Variants in ACACB observed in about 807,000 individuals in gnomAD.
The protein encoded by ACACB is acetyl-CoA carboxylase 2.
A neutral mutation model predicts 278.8 loss-of-function variants in ACACB; 209 were observed. The ratio of observed to expected loss-of-function variants is 0.75; its 90% confidence interval spans 0.67 to 0.84. ACACB has a LOEUF of 0.84. Among genes scored for constraint, ACACB ranks in the 40% least tolerant of loss-of-function variants. The probability of loss-of-function intolerance (pLI) is 0.00; values close to 1 mark genes in which losing one functional copy is unlikely to be tolerated. For missense variants in ACACB, 2,850 were observed against 3,269.0 expected, an observed-to-expected ratio of 0.87 and a Z score of 3.13; for synonymous variants, 1,174 against 1,285.6, an observed-to-expected ratio of 0.91 and a Z score of 1.86.
At position 109,212,827 on chromosome 12, in the gene ACACB, C is replaced by T; in HGVS notation, c.3250-9C>T. The T allele has an allele frequency of 1.2e-6, 2 of 1,612,800 alleles. No individual in the cohort carries two copies. Among genetic ancestry groups the T allele is most frequent in the South Asian group, 1.1e-5 (1 of 91,028 alleles). On this transcript the variant is annotated splice_polypyrimidine_tract_variant and intron_variant, in intron 21 of 52. Coordinates refer to ENST00000338432, the MANE Select transcript of ACACB (RefSeq NM_001093.4). The stretch of plus-strand genomic sequence containing the variant: ...TCAGCAGTCAGACCTGTCTTGTTTT[C>T]CCATCCAGATAGCCACCATCCTGGA...
intron 2 of ACACB, among the ~76,000 whole-genome samples, chr12:109,160,201 T>C (rs1288924986): frequency 6.6e-6 from 1 of 152,092 alleles, no homozygotes; most frequent in Non-Finnish European, 1.5e-5. Context: ...GTTTTAAAAG[T>C]CCAGTTAATA....
chr12:109,235,792 G>A lies in ACACB; in HGVS notation c.4446+145G>A, dbSNP rs1440129860. 1.3e-5 allele frequency: 9 copies of A among 677,782 alleles called. No individual in the cohort carries two copies. In the Admixed American group the frequency reaches 1.7e-4, roughly 13 times the overall value. The allele number at this position is 677,782 out of a possible 1,614,324, so 42.0% of individuals were successfully genotyped here. On this transcript the variant is annotated intron_variant, in intron 33 of 52. Coordinates refer to ENST00000338432, the MANE Select transcript of ACACB (RefSeq NM_001093.4). ...GCAGGAGGTTTGCTTGAGCTCAGGA[G>A]TTCTAGACCAGCCTGGGTTATATAG...
intron 2 of ACACB, among the ~76,000 whole-genome samples, chr12:109,142,618 G>A (rs180853533): frequency 1.3e-5 from 2 of 152,196 alleles, no homozygotes; most frequent in African/African-American, 2.4e-5. Context: ...CCAGGCTGGA[G>A]TGCAGTGGCA....
chr12:109,235,372 T>C lies in ACACB; in HGVS notation c.4404+3T>C. On this transcript the variant is annotated splice_donor_region_variant and intron_variant, in intron 32 of 52. Transcript: ENST00000338432. The stretch of plus-strand genomic sequence containing the variant: ...TCACATTCTTGATTGCCCAAGAGGT[T>C]AGTTCACAGTTCATCTCTATGAGTC... 1 of 1,613,028 alleles carries C rather than the reference T, an allele frequency of 6.2e-7. No homozygotes were observed. The highest frequency in any genetic ancestry group is 8.5e-7 in the Non-Finnish European group (1 of 1,178,970).
chr12:109,132,068 GA>G (rs1423258226), intron 1 of ACACB, among the ~76,000 whole-genome samples: 1 of 152,158 alleles, frequency 6.6e-6, no homozygotes, highest in Non-Finnish European at 1.5e-5. Context: ...TGGGACAGTG[GA>G]AAAGGTATGA....
At chr12:109,146,066 G>C (rs1050513618) in intron 2 of ACACB, among the ~76,000 whole-genome samples, 1 of 152,146 alleles carries the variant, frequency 6.6e-6, no homozygotes, top group African/African-American at 2.4e-5. Context: ...TGTATCCTCT[G>C]GCAAATCTTC....
In ACACB at chr12:109,259,985, G is replaced by A. The variant is rs551936183; in HGVS notation, c.6497-495G>A. The A allele has an allele frequency of 6.4e-6, 7 of 1,090,838 alleles. No individual in the cohort carries two copies. In the African/African-American group the frequency reaches 1.1e-4, roughly 17 times the overall value. 67.6% of individuals were successfully genotyped at this position (1,090,838 alleles called of 1,614,324 possible). On this transcript the variant is annotated intron_variant, in intron 47 of 52. Transcript: ENST00000338432. The stretch of plus-strand genomic sequence containing the variant: ...AACAGGACCAACCTCAGAGGGCCGA[G>A]GTAAGAGTCTGATGAGCTAATTGCT...
intron 1 of ACACB, among the ~76,000 whole-genome samples, chr12:109,122,025 G>A (rs1365347889): frequency 6.6e-6 from 1 of 152,178 alleles, no homozygotes; most frequent in Non-Finnish European, 1.5e-5. Flanking sequence ...ACCATGCAAA[G>A]GACAGAAGTG....
At chr12:109,237,692 G>C (rs949360185) in intron 34 of ACACB, among the ~76,000 whole-genome samples, 8 of 152,080 alleles carry the variant, frequency 5.3e-5, no homozygotes, top group African/African-American at 1.9e-4. Context: ...CTGAGTGATC[G>C]TTTTCCATTG....
intron 2 of ACACB, among the ~76,000 whole-genome samples, chr12:109,151,307 G>A (rs2043369898): frequency 6.6e-6 from 1 of 152,074 alleles, no homozygotes; most frequent in Non-Finnish European, 1.5e-5. Flanking sequence ...CTAGGAGCTT[G>A]GGGGAAAGAG....
chr12:109,217,264 A>G (rs2046029551), intron 24 of ACACB, among the ~76,000 whole-genome samples: 1 of 152,228 alleles, frequency 6.6e-6, no homozygotes, highest in African/African-American at 2.4e-5. Context: ...CCTGGGCAAC[A>G]GGGTGAGATT....
intron 19 of ACACB, among the ~76,000 whole-genome samples, chr12:109,205,341 T>C (rs1291951201): frequency 6.6e-6 from 1 of 152,142 alleles, no homozygotes; most frequent in African/African-American, 2.4e-5. Context: ...GACTGGGAGA[T>C]CGAGTAACTT....
In ACACB at chr12:109,239,852, A is replaced by G. The variant is rs1290127029; in HGVS notation, c.4685A>G (p.Gln1562Arg). The G allele has an allele frequency of 1.8e-5, 29 of 1,613,772 alleles. No individual in the cohort carries two copies. Among genetic ancestry groups the G allele is most frequent in the South Asian group, 4.4e-5 (4 of 91,026 alleles). ...ITKEASFEYL[Q>R]NEGERLLLEA... ...CAGGAAGCCTCCTTCGAATACCTGC[A>G]GAACGAGGGTGAGCGGCTGCTCCTG... Residue 1562 changes from glutamine to arginine, a missense_variant, in exon 35 of 53, where the codon CAG (glutamine) becomes CGG (arginine). Coordinates refer to ENST00000338432, the MANE Select transcript of ACACB (RefSeq NM_001093.4).
At chr12:109,239,789 C>A in intron 34 of ACACB, 41 bp from the exon 35 acceptor site, 1 of 1,558,898 alleles carries the variant, frequency 6.4e-7, no homozygotes, top group Non-Finnish European at 8.7e-7. Context: ...AGTAGGCCTG[C>A]ACCCCTGGCC....
intron 2 of ACACB, among the ~76,000 whole-genome samples, chr12:109,165,046 G>A (rs992672489): frequency 6.6e-6 from 1 of 152,098 alleles, no homozygotes; most frequent in Non-Finnish European, 1.5e-5. Context: ...CAGGAATAGG[G>A]CAGGGAAATT....
intron 20 of ACACB, among the ~76,000 whole-genome samples, 197 bp from the exon 21 acceptor site, chr12:109,208,968 T>C (rs1018247766): frequency 6.6e-6 from 1 of 152,150 alleles, no homozygotes; most frequent in Non-Finnish European, 1.5e-5. Context: ...GGTCTTCCTA[T>C]GTAGGGAAAC....
chr12:109,199,463 C>G lies in ACACB; in HGVS notation c.2689C>G (p.Leu897Val), dbSNP rs2045258261. ...TGAGAAGGAGAACGATCCTACAGTCCTGAGATCCCCCTCGGCTGGGAAGCT... is the reference window on the plus strand; with the variant it reads ...TGAGAAGGAGAACGATCCTACAGTCGTGAGATCCCCCTCGGCTGGGAAGCT... ...VFEKENDPTV[L>V]RSPSAGKLTQ... is the part of the protein sequence containing the mutation. The change falls in exon 18 of 53, where the codon CTG becomes GTG. Residue 897 changes from leucine to valine, a missense_variant. Physicochemically the swap from Leu to Val is conservative, Grantham distance 32 (BLOSUM62 1). Around this residue, in one of 3 missense-constraint regions of ACACB, gnomAD observed 2,265 missense variants for 2,561.3 expected, o/e 0.88. Transcript: ENST00000338432. 2 of 1,565,970 alleles carry G rather than the reference C, an allele frequency of 1.3e-6. No homozygotes were observed. The highest frequency in any genetic ancestry group is 2.8e-5 in the African/African-American group (2 of 72,446).
At chr12:109,148,698 T>A (rs1171942306) in intron 2 of ACACB, among the ~76,000 whole-genome samples, 1 of 152,176 alleles carries the variant, frequency 6.6e-6, no homozygotes, top group Non-Finnish European at 1.5e-5. Context: ...GAATTTCAGA[T>A]AAGGGATTAT....
At chr12:109,234,743 T>A (rs932793437) in intron 31 of ACACB, among the ~76,000 whole-genome samples, 4 of 148,006 alleles carry the variant, frequency 2.7e-5, no homozygotes. Flanking sequence ...AAGTGGGAGC[T>A]GAACATTGAG....
Sources: allele counts gnomAD v4.1 joint callset (sites outside exome capture counted in the v4.1 genomes callset), GRCh38; gene constraint gnomAD v4.1.1; regional missense constraint gnomAD v4.1.1; transcripts MANE v1.5; gene names NCBI Gene and HGNC (gene_info 2026-07-23, HGNC 2026-07-21).